Variants in ZHX2 observed in about 807,000 individuals in gnomAD.
The protein encoded by ZHX2 is zinc fingers and homeoboxes protein 2.
Under a neutral mutation model 21.9 loss-of-function variants are expected in ZHX2, and 6 were observed. The observed-to-expected ratio is 0.27, with a 90% CI of 0.15 to 0.54. The LOEUF is 0.54. Among genes scored for constraint, ZHX2 ranks in the 20% least tolerant of loss-of-function variants. The pLI is 0.95. For synonymous variants in ZHX2, 434 were observed against 437.1 expected, an observed-to-expected ratio of 0.99 and a Z score of 0.09; for missense variants, 908 against 1,090.7, an observed-to-expected ratio of 0.83 and a Z score of 2.36.
intron 1 of ZHX2, among the ~76,000 whole-genome samples, chr8:122,848,560 T>A (rs1563752930): frequency 6.6e-6 from 1 of 152,070 alleles, no homozygotes; most frequent in South Asian, 2.1e-4. Flanking sequence ...TGGGAAGACG[T>A]TTGGGTCCCA....
intron 2 of ZHX2, among the ~76,000 whole-genome samples, chr8:122,882,572 A>G (rs1819738393): frequency 6.6e-6 from 1 of 152,132 alleles, no homozygotes; most frequent in South Asian, 2.1e-4. Context: ...AAACAACAGC[A>G]GTGCTGACCA....
intron 1 of ZHX2, among the ~76,000 whole-genome samples, chr8:122,784,619 GT>G (rs1817357953): frequency 6.6e-6 from 1 of 152,198 alleles, no homozygotes; most frequent in Non-Finnish European, 1.5e-5. Flanking sequence ...GCAACTGTGT[GT>G]TGATTTATTT....
At chr8:122,903,391 G>A (rs4075260) in intron 2 of ZHX2, among the ~76,000 whole-genome samples, 82,797 of 152,002 alleles carry the variant, frequency 0.54, 22,755 homozygotes, top group South Asian at 0.67. Context: ...CCTTTAATGA[G>A]TTTAAAATAA....
chr8:122,790,410 A>G (rs1817489484), intron 1 of ZHX2, among the ~76,000 whole-genome samples: 1 of 152,064 alleles, frequency 6.6e-6, no homozygotes, highest in South Asian at 2.1e-4. Context: ...CTTTCCAGTC[A>G]GCACTCACTG....
chr8:122,907,463 A>G (rs996133588), intron 2 of ZHX2, among the ~76,000 whole-genome samples: 1 of 152,232 alleles, frequency 6.6e-6, no homozygotes, highest in Non-Finnish European at 1.5e-5. Context: ...ATATGCATCT[A>G]TCTCAGTGAG....
intron 2 of ZHX2, among the ~76,000 whole-genome samples, chr8:122,888,941 C>G (rs1164989013): frequency 6.6e-6 from 1 of 152,164 alleles, no homozygotes; most frequent in Non-Finnish European, 1.5e-5. Flanking sequence ...CTACTCTCTA[C>G]TTGTATGAGA....
At chr8:122,876,579 C>A (rs117634280) in intron 2 of ZHX2, among the ~76,000 whole-genome samples, 1 of 152,232 alleles carries the variant, frequency 6.6e-6, no homozygotes, top group South Asian at 2.1e-4. Flanking sequence ...CAACGTGATG[C>A]CAGGCCTTGG....
At chr8:122,905,202 C>G (rs1820317024) in intron 2 of ZHX2, among the ~76,000 whole-genome samples, 1 of 152,170 alleles carries the variant, frequency 6.6e-6, no homozygotes, top group South Asian at 2.1e-4. Flanking sequence ...CTGGGTGAAC[C>G]CCATACAGGA....
At chr8:122,818,234 G>C (rs146103452) in intron 1 of ZHX2, among the ~76,000 whole-genome samples, 1 of 151,780 alleles carries the variant, frequency 6.6e-6, no homozygotes, top group Non-Finnish European at 1.5e-5. Context: ...TGTAAAGAGA[G>C]AGTTGGCGCC....
chr8:122,790,665 T>A (rs1173851583), intron 1 of ZHX2, among the ~76,000 whole-genome samples: 1 of 152,192 alleles, frequency 6.6e-6, no homozygotes, highest in African/African-American at 2.4e-5. Context: ...TGGAGTGCAA[T>A]GGCGTGATCT....
At chr8:122,942,351 G>A (rs1812865598) in intron 2 of ZHX2, among the ~76,000 whole-genome samples, 1 of 152,118 alleles carries the variant, frequency 6.6e-6, no homozygotes, top group African/African-American at 2.4e-5. Flanking sequence ...AAAGCTAAAA[G>A]CATCCTTTTT....
chr8:122,906,966 C>T (rs1297195682), intron 2 of ZHX2, among the ~76,000 whole-genome samples: 5 of 152,138 alleles, frequency 3.3e-5, no homozygotes, highest in Admixed American at 6.5e-5. Context: ...CCGCCATACT[C>T]GGCTATAATT....
At chr8:122,897,861 GTTC>G (rs1391934542) in intron 2 of ZHX2, among the ~76,000 whole-genome samples, 4 of 152,152 alleles carry the variant, frequency 2.6e-5, no homozygotes, top group Non-Finnish European at 5.9e-5. Context: ...GGACAGCTTT[GTTC>G]TTCTTGCCAG....
intron 2 of ZHX2, among the ~76,000 whole-genome samples, chr8:122,927,372 A>G (rs1333113564): frequency 6.6e-6 from 1 of 152,176 alleles, no homozygotes; most frequent in Non-Finnish European, 1.5e-5. Flanking sequence ...GCATATGCCT[A>G]TAATCCCAGA....
At chr8:122,783,585 A>G (rs1428165325) in intron 1 of ZHX2, among the ~76,000 whole-genome samples, 1 of 152,172 alleles carries the variant, frequency 6.6e-6, no homozygotes, top group Non-Finnish European at 1.5e-5. Context: ...GCTCTTCAAG[A>G]TTTGAGTCAA....
intron 2 of ZHX2, among the ~76,000 whole-genome samples, chr8:122,869,727 T>C (rs571969852): frequency 1.7e-4 from 26 of 152,248 alleles, no homozygotes; most frequent in African/African-American, 5.5e-4. Flanking sequence ...CCATCGAGAG[T>C]GTGCACTTTG....
At chr8:122,924,661 G>A (rs1237770511) in intron 2 of ZHX2, among the ~76,000 whole-genome samples, 1 of 152,100 alleles carries the variant, frequency 6.6e-6, no homozygotes, top group Non-Finnish European at 1.5e-5. Context: ...GATCCAGAGG[G>A]CAATAGTCTC....
chr8:122,947,620 G>T (rs970047743), intron 2 of ZHX2, among the ~76,000 whole-genome samples: 6 of 152,150 alleles, frequency 3.9e-5, no homozygotes, highest in East Asian at 1.9e-4. Flanking sequence ...AGAAAGCCAC[G>T]CAGGGTGAGG....
At chr8:122,781,532 A>C (rs1219560539), upstream of ZHX2, 1 of 152,350 alleles carries the variant, frequency 6.6e-6, no homozygotes, top group Non-Finnish European at 1.5e-5. This position sits in a 1 kb window ranked among gnomAD's most constrained non-coding sequence, Gnocchi z 4.6. Flanking sequence ...CTGAAAAATG[A>C]CATTTCGCCG....
Sources: gnomAD v4.1 joint callset for allele counts (sites outside exome capture counted in the v4.1 genomes callset) on GRCh38, gnomAD v4.1.1 for gene constraint, Gnocchi (gnomAD v3.1) non-coding constraint, MANE v1.5 for transcripts, NCBI Gene and HGNC (gene_info 2026-07-23, HGNC 2026-07-21) for gene names.